The following ALOX12 variants were observed in gnomAD, a reference collection of about 807,000 sequenced individuals.
ALOX12 encodes the protein arachidonate 12-lipoxygenase, 12S type.
A neutral mutation model predicts 85.5 loss-of-function variants in ALOX12; 62 were observed. That is an observed-to-expected ratio of 0.73 (90% CI 0.59 to 0.90). The LOEUF (loss-of-function observed/expected upper bound fraction) is 0.90, where lower values mean the gene tolerates loss of function less well. Among genes scored for constraint, ALOX12 ranks in the 40% least tolerant of loss-of-function variants. The probability of loss-of-function intolerance (pLI) is 0.00; values close to 1 mark genes in which losing one functional copy is unlikely to be tolerated. For missense variants in ALOX12, 751 were observed against 856.5 expected (o/e 0.88, Z 1.54); for synonymous variants, 299 against 332.7 (o/e 0.90, Z 1.10).
In ALOX12 at chr17:7,010,273, T is replaced by A; in HGVS notation, c.1842T>A (p.Tyr614Ter). ...MVPLGHHKEK[Y>*]FSGPKPKAVL... The stretch of plus-strand genomic sequence containing the variant: ...CTCTGGGGCACCACAAAGAAAAATA[T>A]TTCTCAGGCCCCAAGCCCAAAGCTG... Residue 614 changes from tyrosine (Y) to a stop codon, truncating the protein, a stop_gained, in exon 14 of 14, where the codon TAT (tyrosine) becomes TAA (stop). Coordinates refer to ENST00000251535, the MANE Select transcript of ALOX12 (RefSeq NM_000697.3). LOFTEE classifies it high-confidence loss of function. The A allele has an allele frequency of 6.2e-7, 1 of 1,613,906 alleles. No homozygotes were observed. The highest frequency in any genetic ancestry group is 1.3e-5 in the African/African-American group (1 of 74,982).
chr17:7,004,074 T>TTAA (rs143959838), intron 8 of ALOX12, among the ~76,000 whole-genome samples: 129,203 of 144,612 alleles, frequency 0.89, 58,679 homozygotes, highest in South Asian at 0.98. Flanking sequence ...AAATTTTAAT[T>TTAA]TATTAAAATT....
At chr17:6,999,785 G>A (rs962039287) in intron 6 of ALOX12, among the ~76,000 whole-genome samples, 1 of 152,204 alleles carries the variant, frequency 6.6e-6, no homozygotes, top group Admixed American at 6.5e-5. Context: ...AGTGCCATCA[G>A]GTGGGGAGAA....
At chr17:7,006,680 TG>T in intron 11 of ALOX12, 73 bp downstream of exon 11, 1 of 1,507,504 alleles carries the variant, frequency 6.6e-7, no homozygotes, top group Non-Finnish European at 8.9e-7. Flanking sequence ...CCTGCCCTTC[TG>T]GGGACAGGAC....
Position 7,005,286 on chromosome 17 carries a change from G to A in ALOX12, c.1191G>A (p.Met397Ile), listed in dbSNP as rs1201969375. 6.2e-7 allele frequency: 1 copy of A among 1,613,748 alleles called. No homozygotes were observed. The highest frequency in any genetic ancestry group is 8.5e-7 in the Non-Finnish European group (1 of 1,179,766). ...TGATCCCCCATATCCGCTACACCAT[G>A]GAAATCAACACCCGGGCCCGGACCC... ...KFLIPHIRYT[M>I]EINTRARTQL... The change falls in exon 9 of 14, where the codon ATG becomes ATA. Residue 397 changes from methionine to isoleucine, a missense_variant. Coordinates refer to ENST00000251535, the MANE Select transcript of ALOX12 (RefSeq NM_000697.3).
chr17:6,999,191 G>A, intron 5 of ALOX12, 115 bp from the exon 6 acceptor site: 1 of 1,508,996 alleles, frequency 6.6e-7, no homozygotes, highest in South Asian at 1.2e-5. Context: ...CCTTGAGAAT[G>A]AAAACGCAGA....
rs1237721782 is a variant in ALOX12, at chr17:6,997,028, G to A, written c.337+1G>A. On this transcript the variant is annotated splice_donor_variant, in intron 2 of 13. Transcript: ENST00000251535. LOFTEE classifies it high-confidence loss of function. ...ATCCTGAGCCTGCCCGAGGGCACCG[G>A]TGAGCAGGCGGCGTCGGGGAAGGAG... The A allele has an allele frequency of 1.3e-6, 2 of 1,535,038 alleles. No individual in the cohort carries two copies. Among genetic ancestry groups the A allele is most frequent in the South Asian group, 2.4e-5 (2 of 83,870 alleles).
rs955732227 is a variant in ALOX12, at chr17:7,004,342, A to G, written c.1162-915A>G. 4.1e-3 allele frequency among the ~76,000 whole-genome samples: 24 copies of G among 5,804 alleles called. No individual in the cohort carries two copies. The South Asian group carries it at 0.058, about 14-fold the overall frequency. 3.8% of individuals were successfully genotyped at this position (5,804 alleles called of 152,430 possible). On this transcript the variant is annotated intron_variant, in intron 8 of 13. Transcript: ENST00000251535. ...TTAATATTAATTTAATATTAAATTA[A>G]ATTTTAATATTTTTAATTTTAATAT...
In ALOX12 at chr17:7,010,027, T is replaced by C. The variant is rs752172319; in HGVS notation, c.1713T>C (p.Asp571=). ...MRMPPPTTKE[D]VTMATVMGSL... Reference sequence around the variant, plus strand: ...TGCCCCCACCCACCACCAAGGAAGATGTGACGATGGCCACAGTGATGGGGT... The same window carrying C: ...TGCCCCCACCCACCACCAAGGAAGACGTGACGATGGCCACAGTGATGGGGT... The change falls in exon 13 of 14, where the codon GAT becomes GAC. Residue 571 remains aspartate (D), a synonymous_variant. Transcript: ENST00000251535. 18 of 1,614,082 alleles carry C rather than the reference T, an allele frequency of 1.1e-5. No individual in the cohort carries two copies. In the Admixed American group the frequency reaches 1.3e-4, roughly 12 times the overall value.
chr17:7,006,061 G>GGC (rs1555568718), intron 10 of ALOX12, 34 bp downstream of exon 10: 1 of 146,502 alleles, frequency 6.8e-6, no homozygotes, highest in East Asian at 1.6e-4. Context: ...TGGTGGGGCC[G>GGC]GGGGGGGGGG....
chr17:7,005,423 TGTGAA>T, intron 9 of ALOX12, 80 bp downstream of exon 9: 1 of 1,203,782 alleles, frequency 8.3e-7, no homozygotes, highest in African/African-American at 1.5e-5. Context: ...ATCAACTATG[TGTGAA>T]TGTCCTCACT....
rs959921309 is a variant in ALOX12 at position 7,005,256 on chromosome 17, G to A, written c.1162-1G>A. 1 of 1,613,232 alleles carries A rather than the reference G, an allele frequency of 6.2e-7. No homozygotes were observed. The highest frequency in any genetic ancestry group is 1.3e-5 in the African/African-American group (1 of 74,998). ...ACGCCCTCCAATCTCCTCCTCTCCAGTTCCTGATCCCCCATATCCGCTACA... is the reference window on the plus strand; with the variant it reads ...ACGCCCTCCAATCTCCTCCTCTCCAATTCCTGATCCCCCATATCCGCTACA... On this transcript the variant is annotated splice_acceptor_variant, in intron 8 of 13. Coordinates refer to ENST00000251535, the MANE Select transcript of ALOX12 (RefSeq NM_000697.3). LOFTEE classifies it high-confidence loss of function.
chr17:7,010,530 C>T lies in ALOX12; in HGVS notation c.*107C>T, dbSNP rs1909340724. On this transcript the variant is annotated 3_prime_UTR_variant, in exon 14 of 14. Transcript: ENST00000251535. ...GTCTCTGCTGCTAAGGCTCTATTTC[C>T]TCCCCCAGTTAAACCCCCTACATTA... 2.2e-6 allele frequency: 3 copies of T among 1,372,202 alleles called. No individual in the cohort carries two copies. The East Asian group carries it at 7.4e-5, about 34-fold the overall frequency. The allele number at this position is 1,372,202 out of a possible 1,614,324, so 85.0% of individuals were successfully genotyped here. A position where few individuals can be genotyped will look rare whatever the true frequency, so the allele number is the denominator to read the frequency against.
chr17:7,002,720 T>G (rs1908767760), intron 8 of ALOX12: 1 of 279,102 alleles, frequency 3.6e-6, no homozygotes, highest in Admixed American at 5.0e-5. Flanking sequence ...TGTGCTTGCT[T>G]AAGAAAATGT....
In ALOX12 at chr17:7,006,539, G is replaced by C. The variant is rs547601549; in HGVS notation, c.1472G>C (p.Gly491Ala). 2 of 1,613,778 alleles carry C rather than the reference G, an allele frequency of 1.2e-6. No homozygotes were observed. The highest frequency in any genetic ancestry group is 1.1e-5 in the South Asian group (1 of 91,078). ...TACCAAAGGGATGACATAGTGAAGG[G>C]GGACCCTGAGCTGCAGGCCTGGTGT... ...LFYQRDDIVK[G>A]DPELQAWCRE... Residue 491 changes from glycine to alanine, a missense_variant, in exon 11 of 14, where the codon GGG becomes GCG. Coordinates refer to ENST00000251535, the MANE Select transcript of ALOX12 (RefSeq NM_000697.3).
intron 10 of ALOX12, among the ~76,000 whole-genome samples, 158 bp from the exon 11 acceptor site, chr17:7,006,328 C>A (rs913571407): frequency 6.6e-6 from 1 of 152,092 alleles, no homozygotes; most frequent in African/African-American, 2.4e-5. Flanking sequence ...GGACCCACAT[C>A]TTCCATGAGA....
intron 2 of ALOX12, among the ~76,000 whole-genome samples, 176 bp from the exon 3 acceptor site, chr17:6,998,333 T>C (rs1250317917): frequency 2.0e-5 from 3 of 152,036 alleles, no homozygotes; most frequent in Non-Finnish European, 4.4e-5. Context: ...GAGTGCAAAG[T>C]TGGCAAAGAT....
At chr17:7,004,484 A>T (rs1908935564) in intron 8 of ALOX12, among the ~76,000 whole-genome samples, 1 of 146,906 alleles carries the variant, frequency 6.8e-6, no homozygotes, top group South Asian at 2.1e-4. Context: ...TTAATTTAAA[A>T]TTAAATATTT....
At chr17:7,001,451 C>A in intron 7 of ALOX12, 151 bp from the exon 8 acceptor site, 2 of 788,272 alleles carry the variant, frequency 2.5e-6, no homozygotes, top group Middle Eastern at 3.8e-4. Flanking sequence ...CTCCAGCTAG[C>A]GAGCGGCAGG....
intron 7 of ALOX12, chr17:7,001,399 C>T: frequency 3.3e-6 from 2 of 603,320 alleles, no homozygotes; most frequent in Non-Finnish European, 5.9e-6. Context: ...TTCTGGACCC[C>T]CTTCTTCCAG....
Sources: allele counts gnomAD v4.1 joint callset (sites outside exome capture counted in the v4.1 genomes callset), GRCh38; gene constraint gnomAD v4.1.1; transcripts MANE v1.5; gene names NCBI Gene and HGNC (gene_info 2026-07-23, HGNC 2026-07-21).